Variants in ASAP2 observed in about 807,000 individuals in gnomAD.
ASAP2 encodes ArfGAP with SH3 domain, ankyrin repeat and PH domain 2, also known as arf-GAP with SH3 domain, ANK repeat and PH domain-containing protein 2.
Under a neutral mutation model 131.4 loss-of-function variants are expected in ASAP2, and 45 were observed. The ratio of observed to expected loss-of-function variants is 0.34; its 90% CI spans 0.27 to 0.44. The LOEUF is 0.44. Among genes scored for constraint, ASAP2 ranks in the 20% least tolerant of loss-of-function variants. The pLI, the probability that ASAP2 is intolerant of heterozygous loss-of-function variation, is 1.00. For synonymous variants in ASAP2, 510 were observed against 503.0 expected (o/e 1.01, Z -0.19); for missense variants, 1,011 against 1,297.0 (o/e 0.78, Z 3.39).
At chr2:9,299,575 A>G (rs1194024613) in intron 3 of ASAP2, among the ~76,000 whole-genome samples, 1 of 152,192 alleles carries the variant, frequency 6.6e-6, no homozygotes, top group African/African-American at 2.4e-5. Context: ...CAGGAAAGCA[A>G]GCAGTGGAAG....
At chr2:9,383,588 C>T (rs1365252664) in intron 20 of ASAP2, among the ~76,000 whole-genome samples, 2 of 152,144 alleles carry the variant, frequency 1.3e-5, no homozygotes, top group African/African-American at 2.4e-5. Context: ...GAGAGGCAAG[C>T]TGCACCTACA....
intron 1 of ASAP2, among the ~76,000 whole-genome samples, chr2:9,256,067 C>T (rs1665136564): frequency 6.6e-6 from 1 of 151,486 alleles, no homozygotes; most frequent in African/African-American, 2.4e-5. Flanking sequence ...TGTAGAATGA[C>T]CAGTGCGTCA....
At chr2:9,388,019 G>A (rs1447699294) in intron 21 of ASAP2, among the ~76,000 whole-genome samples, 2 of 152,172 alleles carry the variant, frequency 1.3e-5, no homozygotes, top group East Asian at 3.8e-4. Flanking sequence ...TCCTTCCCTC[G>A]ACAAGTGAAG....
Position 9,207,256 on chromosome 2 carries a change from G to A in ASAP2, c.126+26G>A. On this transcript the variant is annotated intron_variant, in intron 1 of 27. Transcript: ENST00000281419. The surrounding 1 kb of genome is among the most constrained non-coding windows in gnomAD (Gnocchi z 4.1). ...GTGAGGCGGCCTGCGCGGCGGCTCCGGCCGCAGGTATCCCGCGCCCCAGCC... is the reference window on the plus strand; with the variant it reads ...GTGAGGCGGCCTGCGCGGCGGCTCCAGCCGCAGGTATCCCGCGCCCCAGCC... 1 of 1,526,722 alleles carries A rather than the reference G, an allele frequency of 6.5e-7. No individual in the cohort carries two copies. Among genetic ancestry groups the A allele is most frequent in the Non-Finnish European group, 8.8e-7 (1 of 1,139,796 alleles). 94.6% of individuals were successfully genotyped at this position (1,526,722 alleles called of 1,614,324 possible). A position where few individuals can be genotyped will look rare whatever the true frequency, so the allele number is the denominator to read the frequency against.
intron 15 of ASAP2, among the ~76,000 whole-genome samples, chr2:9,361,231 C>T (rs1237971941): frequency 6.6e-6 from 1 of 152,156 alleles, no homozygotes; most frequent in Non-Finnish European, 1.5e-5. Flanking sequence ...TCTCCCTTAC[C>T]CAAGTCTTTT....
chr2:9,380,577 C>G (rs368126758), intron 19 of ASAP2, among the ~76,000 whole-genome samples, 164 bp from the exon 20 acceptor site: 5 of 152,324 alleles, frequency 3.3e-5, no homozygotes, highest in African/African-American at 1.2e-4. Context: ...TATACAATTA[C>G]AAGATACATT....
In ASAP2 at chr2:9,392,003, C is replaced by T. The variant is rs1320685625; in HGVS notation, c.2518+807C>T. Among the ~76,000 whole-genome samples the T allele has an allele frequency of 6.6e-6, 1 of 152,138 alleles. No individual in the cohort carries two copies. The highest frequency in any genetic ancestry group is 2.4e-5 in the African/African-American group (1 of 41,414). ...TCAAGGGATCCTCCTGCCTTAGCCTCCTGAGTAGCTGGGATTATTGGTGCA... is the reference window on the plus strand; with the variant it reads ...TCAAGGGATCCTCCTGCCTTAGCCTTCTGAGTAGCTGGGATTATTGGTGCA... On this transcript the variant is annotated intron_variant, in intron 23 of 27. Coordinates refer to ENST00000281419, the MANE Select transcript of ASAP2 (RefSeq NM_003887.3). This position sits in a 1 kb window ranked among gnomAD's most constrained non-coding sequence, Gnocchi z 4.0.
rs1481373826 is a variant in ASAP2 at position 9,281,777 on chromosome 2, C to A, written c.199+2388C>A. 6.6e-6 allele frequency among the ~76,000 whole-genome samples: 1 copy of A among 152,104 alleles called. No homozygotes were observed. On this transcript the variant is annotated intron_variant, in intron 2 of 27. Transcript: ENST00000281419. This position sits in a 1 kb window ranked among gnomAD's most constrained non-coding sequence, Gnocchi z 4.0. ...ATTGTGAGTGGTTATCGTTCTTAAC[C>A]CTTTCCCAATTCATCTGTCGATGAA...
chr2:9,373,093 C>T (rs1361994896), intron 16 of ASAP2, among the ~76,000 whole-genome samples: 1 of 152,146 alleles, frequency 6.6e-6, no homozygotes, highest in Non-Finnish European at 1.5e-5. Context: ...GCAGTGAGCT[C>T]AGTGCACGGG....
chr2:9,388,683 AAG>A, intron 22 of ASAP2, 137 bp downstream of exon 22: 2 of 1,276,454 alleles, frequency 1.6e-6, no homozygotes, highest in Non-Finnish European at 2.1e-6. Flanking sequence ...TTGCTTCCTA[AAG>A]GGATTCCATC....
intron 9 of ASAP2, among the ~76,000 whole-genome samples, chr2:9,341,421 TAAAGA>T (rs1450228017): frequency 4.6e-5 from 7 of 152,192 alleles, no homozygotes; most frequent in Non-Finnish European, 8.8e-5. Flanking sequence ...TCAATTGGCC[TAAAGA>T]AAAGAATAAA....
intron 1 of ASAP2, among the ~76,000 whole-genome samples, chr2:9,243,776 T>A (rs1007608389): frequency 6.6e-6 from 1 of 152,204 alleles, no homozygotes; most frequent in African/African-American, 2.4e-5. Flanking sequence ...GCTTATTTAC[T>A]ATGCTAGTTG....
chr2:9,318,061 A>T (rs1669917615), intron 3 of ASAP2, among the ~76,000 whole-genome samples: 1 of 151,926 alleles, frequency 6.6e-6, no homozygotes, highest in South Asian at 2.1e-4. Flanking sequence ...CAGACAGAAG[A>T]CTCTGCCTTT....
intron 2 of ASAP2, among the ~76,000 whole-genome samples, chr2:9,280,702 G>A (rs1372489784): frequency 6.6e-6 from 1 of 152,210 alleles, no homozygotes; most frequent in African/African-American, 2.4e-5. Context: ...AATTACAGCA[G>A]CGGAAATTGA....
At position 9,405,597 on chromosome 2, in the gene ASAP2, A is replaced by ATAAT. The variant is rs1677160990; in HGVS notation, c.*2273_*2276dup. On this transcript the variant is annotated 3_prime_UTR_variant, in exon 28 of 28. Coordinates refer to ENST00000281419, the MANE Select transcript of ASAP2 (RefSeq NM_003887.3). ...TTCATTGTCCTTAATGCAGTGATTTATAATTAGAGCATGTTTAATAAGTTT... is the reference window on the plus strand; with the variant it reads ...TTCATTGTCCTTAATGCAGTGATTTATAATTAATTAGAGCATGTTTAATAAGTTT... The ATAAT allele has an allele frequency of 1.3e-5, 2 of 152,648 alleles. No homozygotes were observed. Among genetic ancestry groups the ATAAT allele is most frequent in the Non-Finnish European group, 2.9e-5 (2 of 68,038 alleles). 9.5% of individuals were successfully genotyped at this position (152,648 alleles called of 1,614,324 possible).
At position 9,334,793 on chromosome 2, in the gene ASAP2, C is replaced by A; in HGVS notation, c.742C>A (p.Leu248Met). 6.2e-7 allele frequency: 1 copy of A among 1,614,156 alleles called. No homozygotes were observed. ...AAGCCTCAAACCTTCCATTGAAACGCTGTCTACGGATCTTCACACGGTGAG... is the reference window on the plus strand; with the variant it reads ...AAGCCTCAAACCTTCCATTGAAACGATGTCTACGGATCTTCACACGGTGAG... ...VESLKPSIET[L>M]STDLHTIKQA... is the part of the protein sequence containing the mutation. Residue 248 changes from leucine to methionine, a missense_variant, in exon 8 of 28, where the codon CTG becomes ATG. This residue lies in a region of ASAP2 where 359 missense variants were observed against 598.1 expected (regional missense o/e 0.60). Transcript: ENST00000281419.
At chr2:9,358,659 T>TCAGTTA in intron 14 of ASAP2, 97 bp from the exon 15 acceptor site, 1 of 1,453,128 alleles carries the variant, frequency 6.9e-7, no homozygotes, top group Non-Finnish European at 9.2e-7. Flanking sequence ...ATGCTCATGC[T>TCAGTTA]CAGAACTGCT....
chr2:9,403,014 G>A (rs1163057237), intron 27 of ASAP2, among the ~76,000 whole-genome samples: 1 of 152,194 alleles, frequency 6.6e-6, no homozygotes, highest in Non-Finnish European at 1.5e-5. Flanking sequence ...ATCCCCACGA[G>A]CGAACATCTG....
rs1377798129 is a variant in ASAP2 at position 9,398,858 on chromosome 2, T to G, written c.2685-1165T>G. 2.6e-5 allele frequency: 4 copies of G among 151,620 alleles called. No individual in the cohort carries two copies. In the East Asian group the frequency reaches 5.8e-4, roughly 22 times the overall value. The allele number at this position is 151,620 out of a possible 1,614,324, so 9.4% of individuals were successfully genotyped here. A position where few individuals can be genotyped will look rare whatever the true frequency, so the allele number is the denominator to read the frequency against. ...AAGCCTAAAAAGTTTACTATCTGCC[T>G]CTTTAAAGAAAAAGTCTGCTCACTG... On this transcript the variant is annotated intron_variant, in intron 24 of 27. Coordinates refer to ENST00000281419, the MANE Select transcript of ASAP2 (RefSeq NM_003887.3).
Sources: gnomAD v4.1 joint callset for allele counts (sites outside exome capture counted in the v4.1 genomes callset) on GRCh38, gnomAD v4.1.1 for gene constraint, gnomAD v4.1.1 regional missense constraint, Gnocchi (gnomAD v3.1) non-coding constraint, MANE v1.5 for transcripts, NCBI Gene and HGNC (gene_info 2026-07-23, HGNC 2026-07-21) for gene names.